The following SYCP1 variants were observed in gnomAD, a reference collection of about 807,000 sequenced individuals.
The protein encoded by SYCP1 is cancer/testis antigen 8.
Under a neutral mutation model 153.1 loss-of-function variants are expected in SYCP1, and 64 were observed. That is an observed-to-expected ratio of 0.42 (90% CI 0.34 to 0.51). SYCP1 has a LOEUF of 0.51. Ranked by LOEUF, SYCP1 falls within the 20% of genes least tolerant of loss-of-function variation. SYCP1 has a pLI of 0.06. For synonymous variants in SYCP1, 384 were observed against 341.8 expected (o/e 1.12, Z -1.36); for missense variants, 997 against 1,049.0 (o/e 0.95, Z 0.68).
At chr1:114,859,912 A>G (rs1209066586) in intron 7 of SYCP1, 102 bp downstream of exon 7, 2 of 354,730 alleles carry the variant, frequency 5.6e-6, no homozygotes, top group Non-Finnish European at 9.0e-6. Flanking sequence ...TATACGTTAT[A>G]TCATATGAAT....
intron 25 of SYCP1, among the ~76,000 whole-genome samples, chr1:114,946,042 T>C (rs1184262846): frequency 2.6e-5 from 4 of 152,110 alleles, no homozygotes; most frequent in Non-Finnish European, 5.9e-5. Context: ...AATTATCTTT[T>C]GCTCTTTGGT....
At chr1:114,955,355 C>G (rs1476723373) in intron 27 of SYCP1, among the ~76,000 whole-genome samples, 1 of 152,066 alleles carries the variant, frequency 6.6e-6, no homozygotes, top group African/African-American at 2.4e-5. Flanking sequence ...AATATAAGTT[C>G]ATGAGAAATA....
intron 14 of SYCP1, 61 bp from the exon 15 acceptor site, chr1:114,887,565 A>G: frequency 8.7e-7 from 1 of 1,146,834 alleles, no homozygotes; most frequent in East Asian, 2.6e-5. Context: ...CACCAATTTT[A>G]GTTATGAGAT....
At chr1:114,899,164 A>G (rs986009410) in intron 16 of SYCP1, among the ~76,000 whole-genome samples, 3 of 152,260 alleles carry the variant, frequency 2.0e-5, no homozygotes, top group Admixed American at 6.5e-5. Context: ...CACTGATGCA[A>G]ACAACTATAT....
chr1:114,895,452 G>A lies in SYCP1; in HGVS notation c.1263G>A (p.Glu421=). 1 of 1,514,644 alleles carries A rather than the reference G, an allele frequency of 6.6e-7. No homozygotes were observed. Among genetic ancestry groups the A allele is most frequent in the Non-Finnish European group, 9.0e-7 (1 of 1,116,874 alleles). 93.8% of individuals were successfully genotyped at this position (1,514,644 alleles called of 1,614,324 possible). Residue 421 remains glutamate (E), a synonymous_variant, in exon 16 of 32, where the codon GAG becomes GAA. Transcript: ENST00000369522. ...ELQKKSSELE[E]MTKLTNNKEV... is the part of the protein sequence containing the mutation. ...TTTTTTTTTTGCTCATTTTAGAAGA[G>A]ATGACTAAGCTTACAAATAACAAAG... is the stretch of plus-strand genomic sequence containing the variant.
intron 8 of SYCP1, chr1:114,862,987 G>A (rs1664481656): frequency 6.6e-6 from 1 of 152,138 alleles, no homozygotes; most frequent in South Asian, 2.1e-4. Flanking sequence ...TTACAAGAGT[G>A]TATATTCCAT....
chr1:114,908,288 G>A (rs923098121), intron 16 of SYCP1, among the ~76,000 whole-genome samples: 10 of 151,764 alleles, frequency 6.6e-5, no homozygotes, highest in Non-Finnish European at 1.3e-4. Context: ...TCTAATGAGA[G>A]ACTCACATGC....
chr1:114,912,900 C>A, intron 18 of SYCP1, 133 bp from the exon 19 acceptor site: 2 of 605,372 alleles, frequency 3.3e-6, no homozygotes, highest in Non-Finnish European at 5.8e-6. Flanking sequence ...AATTATAAAC[C>A]AATAGTCAAT....
intron 8 of SYCP1, among the ~76,000 whole-genome samples, chr1:114,871,491 A>G (rs567626045): frequency 8.2e-4 from 125 of 152,026 alleles, no homozygotes; most frequent in African/African-American, 2.8e-3. Flanking sequence ...CTTTTGTATC[A>G]TTGCTGTCAT....
chr1:114,879,279 T>C (rs1325937820), intron 12 of SYCP1, among the ~76,000 whole-genome samples: 2 of 152,234 alleles, frequency 1.3e-5, no homozygotes, highest in Admixed American at 1.3e-4. Context: ...GTTGTTTTTC[T>C]ATTCTTCAGA....
intron 20 of SYCP1, among the ~76,000 whole-genome samples, chr1:114,919,905 C>T (rs360581): frequency 0.39 from 58,526 of 151,290 alleles, 12,509 homozygotes; most frequent in East Asian, 0.5. Flanking sequence ...TTTCTTAGTT[C>T]GTCTTCCTAA....
At chr1:114,906,755 A>C (rs1486107091) in intron 16 of SYCP1, among the ~76,000 whole-genome samples, 1 of 152,170 alleles carries the variant, frequency 6.6e-6, no homozygotes, top group African/African-American at 2.4e-5. Context: ...TATGTATCAG[A>C]TATGATATAT....
At chr1:114,932,505 T>C (rs954414236) in intron 23 of SYCP1, among the ~76,000 whole-genome samples, 1 of 152,044 alleles carries the variant, frequency 6.6e-6, no homozygotes, top group South Asian at 2.1e-4. Flanking sequence ...AGAAGATGGG[T>C]GATTTCTGCA....
chr1:114,969,423 G>A (rs1385548110), intron 27 of SYCP1, among the ~76,000 whole-genome samples: 1 of 152,106 alleles, frequency 6.6e-6, no homozygotes, highest in Non-Finnish European at 1.5e-5. Flanking sequence ...ACTTCCCTGT[G>A]GCTTTGTTTA....
At chr1:114,944,279 AAT>A in intron 23 of SYCP1, 58 bp from the exon 24 acceptor site, 1 of 939,638 alleles carries the variant, frequency 1.1e-6, no homozygotes, top group East Asian at 2.7e-5. Context: ...ATGAATATGG[AAT>A]GTTTTCAAGT....
At chr1:114,932,269 C>T (rs761658568) in intron 23 of SYCP1, among the ~76,000 whole-genome samples, 1 of 151,806 alleles carries the variant, frequency 6.6e-6, no homozygotes, top group Non-Finnish European at 1.5e-5. Flanking sequence ...AGACAAGGTA[C>T]AAAGAAAAAG....
At chr1:114,870,012 TATTTA>T (rs1415829306) in intron 8 of SYCP1, among the ~76,000 whole-genome samples, 2 of 152,128 alleles carry the variant, frequency 1.3e-5, no homozygotes, top group African/African-American at 4.8e-5. Flanking sequence ...ATTTTATTTT[TATTTA>T]TTTATTTATT....
At chr1:114,913,640 T>C (rs1668326531) in intron 19 of SYCP1, among the ~76,000 whole-genome samples, 1 of 152,104 alleles carries the variant, frequency 6.6e-6, no homozygotes, top group African/African-American at 2.4e-5. Flanking sequence ...ATAGCATTGA[T>C]TTTGGTCTTA....
intron 12 of SYCP1, among the ~76,000 whole-genome samples, chr1:114,882,866 G>C (rs899430013): frequency 6.6e-6 from 1 of 152,142 alleles, no homozygotes; most frequent in Non-Finnish European, 1.5e-5. Context: ...ATCTGCCTGT[G>C]AGTTGGTTTA....
Sources: allele counts gnomAD v4.1 joint callset (sites outside exome capture counted in the v4.1 genomes callset), GRCh38; gene constraint gnomAD v4.1.1; transcripts MANE v1.5; gene names NCBI Gene and HGNC (gene_info 2026-07-23, HGNC 2026-07-21).